The following SEMA3A variants were observed in gnomAD, a reference collection of about 807,000 sequenced individuals.
SEMA3A encodes the protein semaphorin 3A, also known as semaphorin-3A.
A neutral mutation model predicts 97.9 loss-of-function variants in SEMA3A; 29 were observed. The ratio of observed to expected loss-of-function variants is 0.30; its 90% CI spans 0.22 to 0.40. The LOEUF is 0.40. Ranked by LOEUF, SEMA3A falls within the 10% of genes least tolerant of loss-of-function variation. SEMA3A has a pLI of 1.00. For missense variants in SEMA3A, 763 were observed against 951.3 expected (o/e 0.80, Z 2.60); for synonymous variants, 321 against 323.7 (o/e 0.99, Z 0.09).
At chr7:84,262,179 T>C (rs1799872706) in intron 3 of SEMA3A, among the ~76,000 whole-genome samples, 1 of 152,080 alleles carries the variant, frequency 6.6e-6, no homozygotes, top group Non-Finnish European at 1.5e-5. Context: ...GCCAGCATAC[T>C]TTTTAGACTT....
At chr7:84,461,725 A>G (rs1562955402) in intron 1 of SEMA3A, among the ~76,000 whole-genome samples, 1 of 152,166 alleles carries the variant, frequency 6.6e-6, no homozygotes, top group Non-Finnish European at 1.5e-5. Flanking sequence ...TTCATATACT[A>G]TTAGCATATA....
intron 2 of SEMA3A, among the ~76,000 whole-genome samples, chr7:84,315,635 A>G (rs1021756879): frequency 1.3e-5 from 2 of 152,168 alleles, no homozygotes; most frequent in Admixed American, 6.6e-5. Flanking sequence ...TAAACTACAT[A>G]TTCTTGTCCT....
At chr7:84,052,286 C>G (rs1404832576) in intron 5 of SEMA3A, among the ~76,000 whole-genome samples, 4 of 152,158 alleles carry the variant, frequency 2.6e-5, no homozygotes, top group South Asian at 2.1e-4. Context: ...AGAAGGAACG[C>G]TACCAGTTCC....
chr7:84,086,025 G>C (rs1322152160), intron 4 of SEMA3A, among the ~76,000 whole-genome samples: 1 of 152,090 alleles, frequency 6.6e-6, no homozygotes, highest in Admixed American at 6.6e-5. Context: ...ATCAGGGAAG[G>C]GGCCAGAATA....
Position 83,988,539 on chromosome 7 carries a change from C to T in SEMA3A, c.1453-3062G>A, listed in dbSNP as rs58527574. Among the ~76,000 whole-genome samples, 635 of 152,212 alleles carry T rather than the reference C, an allele frequency of 4.2e-3. 3 individuals carry two copies. The highest frequency in any genetic ancestry group is 0.014 in the African/African-American group (594 of 41,518). On this transcript the variant is annotated intron_variant, in intron 12 of 16. Coordinates refer to ENST00000265362, the MANE Select transcript of SEMA3A (RefSeq NM_006080.3). ...GCTGTAGAACTGCAGATCTCTACTT[C>T]AAACCCTGATGGCTGAGCTGAGAAC...
intron 3 of SEMA3A, among the ~76,000 whole-genome samples, chr7:84,282,959 A>G (rs1232988603): frequency 6.6e-6 from 1 of 152,130 alleles, no homozygotes; most frequent in African/African-American, 2.4e-5. Context: ...GGTTGCAGCG[A>G]ACAGAGATCA....
At chr7:84,150,879 G>C (rs548700026) in intron 1 of SEMA3A, among the ~76,000 whole-genome samples, 5 of 151,008 alleles carry the variant, frequency 3.3e-5, no homozygotes, top group Non-Finnish European at 7.4e-5. Flanking sequence ...CTCCCAGCAC[G>C]CAGCTGGAGA....
At chr7:84,143,926 CT>C (rs1796379283) in intron 1 of SEMA3A, among the ~76,000 whole-genome samples, 14 of 75,984 alleles carry the variant, frequency 1.8e-4, no homozygotes, top group African/African-American at 4.8e-4. Flanking sequence ...CCTAATCTCT[CT>C]CTCTCTCTCT....
chr7:84,089,104 C>T (rs746552704), intron 4 of SEMA3A, among the ~76,000 whole-genome samples: 4 of 151,746 alleles, frequency 2.6e-5, no homozygotes, highest in African/African-American at 7.3e-5. Flanking sequence ...TTGGTGAAAA[C>T]GTATATGTAA....
At chr7:84,339,919 CATTA>C (rs1226611933) in intron 2 of SEMA3A, among the ~76,000 whole-genome samples, 1 of 151,896 alleles carries the variant, frequency 6.6e-6, no homozygotes, top group African/African-American at 2.4e-5. Context: ...TTATTCAATA[CATTA>C]ATTTGGGGAA....
chr7:84,064,427 T>C (rs1271899585), intron 4 of SEMA3A, among the ~76,000 whole-genome samples: 1 of 152,214 alleles, frequency 6.6e-6, no homozygotes, highest in Non-Finnish European at 1.5e-5. Flanking sequence ...CAATATTAAC[T>C]TTAAATGTAA....
chr7:83,968,298 T>C (rs1788787179), intron 15 of SEMA3A, among the ~76,000 whole-genome samples: 1 of 152,238 alleles, frequency 6.6e-6, no homozygotes, highest in Non-Finnish European at 1.5e-5. Flanking sequence ...GTTGATTTTA[T>C]TAAATTGGTT....
At chr7:84,429,855 G>A (rs914015298) in intron 1 of SEMA3A, among the ~76,000 whole-genome samples, 2 of 151,622 alleles carry the variant, frequency 1.3e-5, no homozygotes, top group Non-Finnish European at 2.9e-5. Context: ...AATGAGGCAG[G>A]AAAATGGACA....
chr7:84,184,396 G>C (rs891390220), intron 1 of SEMA3A, among the ~76,000 whole-genome samples: 2 of 152,182 alleles, frequency 1.3e-5, no homozygotes, highest in African/African-American at 4.8e-5. Context: ...AAGAAACTCT[G>C]TAGCTCTGGG....
intron 3 of SEMA3A, among the ~76,000 whole-genome samples, chr7:84,215,512 AGACTGTGCTCTCCCT>A (rs1459958989): frequency 6.6e-6 from 1 of 152,198 alleles, no homozygotes; most frequent in Non-Finnish European, 1.5e-5. Context: ...ATTTTGAATA[AGACTGTGCTCTCCCT>A]GACAACTCAA....
chr7:83,978,645 T>G lies in SEMA3A; in HGVS notation c.1653-1449A>C, dbSNP rs913009477. On this transcript the variant is annotated intron_variant, in intron 14 of 16. Transcript: ENST00000265362. ...TACTGTATTCATAAATTTAGAAGTC[T>G]AAAGTATTTATAGATTTCTATTTGT... Among the ~76,000 whole-genome samples, 3 of 152,232 alleles carry G rather than the reference T, an allele frequency of 2.0e-5. No individual in the cohort carries two copies. The East Asian group carries it at 5.8e-4, about 29-fold the overall frequency.
chr7:84,249,954 C>A (rs1799567888), intron 3 of SEMA3A, among the ~76,000 whole-genome samples: 1 of 149,842 alleles, frequency 6.7e-6, no homozygotes, highest in Non-Finnish European at 1.5e-5. Context: ...TACTCTGAGA[C>A]TGGTATTCTT....
intron 1 of SEMA3A, among the ~76,000 whole-genome samples, chr7:84,386,051 T>C (rs1254782902): frequency 6.6e-6 from 1 of 152,224 alleles, no homozygotes; most frequent in Non-Finnish European, 1.5e-5. Context: ...TTTTATTGTA[T>C]GAAATGTGTT....
intron 2 of SEMA3A, among the ~76,000 whole-genome samples, chr7:84,355,339 T>C (rs1339722911): frequency 6.6e-6 from 1 of 151,894 alleles, no homozygotes. Context: ...CCTTGGACTA[T>C]CACTGTGATT....
Sources: allele counts gnomAD v4.1 joint callset (sites outside exome capture counted in the v4.1 genomes callset), GRCh38; gene constraint gnomAD v4.1.1; transcripts MANE v1.5; gene names NCBI Gene and HGNC (gene_info 2026-07-23, HGNC 2026-07-21).